Variants in DOCK5 observed in about 807,000 individuals in gnomAD.
DOCK5 encodes dedicator of cytokinesis 5.
In DOCK5, 142 loss-of-function variants were observed where a neutral mutation model predicts 251.8. The ratio of observed to expected loss-of-function variants is 0.56; its 90% CI spans 0.49 to 0.65. The LOEUF (loss-of-function observed/expected upper bound fraction) is 0.65, where lower values mean the gene tolerates loss of function less well. DOCK5 is among the 30% of genes least tolerant of loss of function. DOCK5 has a pLI of 0.00. For synonymous variants in DOCK5, 842 were observed against 835.5 expected (o/e 1.01, Z -0.13); for missense variants, 2,111 against 2,312.3 (o/e 0.91, Z 1.79).
chr8:25,186,893 A>T (rs1586210837), intron 1 of DOCK5, among the ~76,000 whole-genome samples: 1 of 151,996 alleles, frequency 6.6e-6, no homozygotes, highest in East Asian at 1.9e-4. Flanking sequence ...TTACTGTGTC[A>T]CTTATCAGTC....
chr8:25,398,645 C>T (rs1270925088), intron 45 of DOCK5, among the ~76,000 whole-genome samples: 1 of 152,178 alleles, frequency 6.6e-6, no homozygotes, highest in Admixed American at 6.5e-5. Context: ...GATGCTCCTC[C>T]ATGTCTTGTC....
intron 13 of DOCK5, among the ~76,000 whole-genome samples, chr8:25,315,791 TG>T (rs1805231620): frequency 6.6e-6 from 1 of 152,242 alleles, no homozygotes; most frequent in Non-Finnish European, 1.5e-5. Flanking sequence ...AACTGTGCTG[TG>T]TGAATAAGCC....
At chr8:25,377,467 G>T in intron 38 of DOCK5, 43 bp downstream of exon 38, 1 of 1,594,796 alleles carries the variant, frequency 6.3e-7, no homozygotes, top group South Asian at 1.1e-5. Flanking sequence ...AGAGGAAAAT[G>T]ACCGCAGTAT....
Position 25,341,005 on chromosome 8 carries a change from C to T in DOCK5, c.2439+17C>T, listed in dbSNP as rs1805942507. 1.3e-6 allele frequency: 2 copies of T among 1,587,136 alleles called. No homozygotes were observed. Among genetic ancestry groups the T allele is most frequent in the African/African-American group, 2.7e-5 (2 of 74,440 alleles). ...AAGATCAAGGTCAGCCTGGCAGCAT[C>T]ATGGGTAACTCTTCTTAGGCTGTGG... is the stretch of plus-strand genomic sequence containing the variant. On this transcript the variant is annotated intron_variant, in intron 23 of 51. Coordinates refer to ENST00000276440, the MANE Select transcript of DOCK5 (RefSeq NM_024940.8).
At chr8:25,242,306 C>T (rs1802975510) in intron 1 of DOCK5, among the ~76,000 whole-genome samples, 3 of 152,284 alleles carry the variant, frequency 2.0e-5, no homozygotes, top group Admixed American at 1.3e-4. Context: ...TATGTAGACA[C>T]ATGGCTTCAT....
intron 33 of DOCK5, among the ~76,000 whole-genome samples, 178 bp downstream of exon 33, chr8:25,368,903 A>G (rs1434193259): frequency 6.6e-6 from 1 of 152,244 alleles, no homozygotes; most frequent in Non-Finnish European, 1.5e-5. Flanking sequence ...TGCAACCCAG[A>G]GCCTGGAAAA....
intron 38 of DOCK5, among the ~76,000 whole-genome samples, chr8:25,378,961 A>AC (rs1395534471): frequency 6.6e-6 from 1 of 152,180 alleles, no homozygotes; most frequent in African/African-American, 2.4e-5. Flanking sequence ...GAGCTGCAAA[A>AC]CCAGCAACTT....
chr8:25,195,622 T>A (rs1801704160), intron 1 of DOCK5, among the ~76,000 whole-genome samples: 1 of 152,314 alleles, frequency 6.6e-6, no homozygotes, highest in Non-Finnish European at 1.5e-5. Context: ...CTCCTCCCTC[T>A]TATGGAATGT....
chr8:25,277,766 C>G (rs144636508), intron 4 of DOCK5, among the ~76,000 whole-genome samples: 2 of 152,288 alleles, frequency 1.3e-5, no homozygotes, highest in African/African-American at 4.8e-5. Flanking sequence ...AGTAATTTTT[C>G]ATAGTAAGCA....
At chr8:25,229,369 A>G (rs1802612747) in intron 1 of DOCK5, among the ~76,000 whole-genome samples, 1 of 152,020 alleles carries the variant, frequency 6.6e-6, no homozygotes, top group African/African-American at 2.4e-5. Context: ...GTAATCCCAG[A>G]TACTCTGGAG....
At chr8:25,331,799 TATAGAGAGAGAG>T (rs371588471) in intron 18 of DOCK5, among the ~76,000 whole-genome samples, 9,162 of 48,462 alleles carry the variant, frequency 0.19, 270 homozygotes, top group East Asian at 0.31. Flanking sequence ...TATATATATA[TATAGAGAGAGAG>T]AGAGAGAGAG....
intron 45 of DOCK5, among the ~76,000 whole-genome samples, chr8:25,396,803 G>A (rs906248): frequency 0.31 from 43,104 of 140,452 alleles, 6,322 homozygotes; most frequent in Non-Finnish European, 0.33. Flanking sequence ...TGTGTGTCCC[G>A]GGAAGAGCAG....
chr8:25,195,692 G>A (rs1237919420), intron 1 of DOCK5, among the ~76,000 whole-genome samples: 1 of 152,182 alleles, frequency 6.6e-6, no homozygotes, highest in Non-Finnish European at 1.5e-5. Context: ...TCCCTGCTTA[G>A]AGAGAGCCTT....
chr8:25,227,924 A>T (rs1157026025), intron 1 of DOCK5, among the ~76,000 whole-genome samples: 1 of 152,034 alleles, frequency 6.6e-6, no homozygotes, highest in Non-Finnish European at 1.5e-5. Context: ...TCTCTCTGTC[A>T]CCCAGGCTGG....
intron 5 of DOCK5, 75 bp from the exon 6 acceptor site, chr8:25,291,945 CAAAT>C (rs1804499800): frequency 7.8e-7 from 1 of 1,283,376 alleles, no homozygotes; most frequent in African/African-American, 1.5e-5. Flanking sequence ...TAAAAACAAA[CAAAT>C]AAAAAAAGGA....
chr8:25,379,280 A>G (rs1801021894), intron 38 of DOCK5, among the ~76,000 whole-genome samples: 1 of 152,036 alleles, frequency 6.6e-6, no homozygotes, highest in South Asian at 2.1e-4. Context: ...TCAACTGCAT[A>G]GGACAGACAT....
At chr8:25,284,666 T>A (rs1804286707) in intron 5 of DOCK5, among the ~76,000 whole-genome samples, 1 of 152,226 alleles carries the variant, frequency 6.6e-6, no homozygotes, top group Admixed American at 6.5e-5. Context: ...TCAGGGCAGA[T>A]CCCCGTGCTA....
At chr8:25,356,035 C>CAA (rs375002413) in intron 27 of DOCK5, among the ~76,000 whole-genome samples, 2,164 of 132,656 alleles carry the variant, frequency 0.016, 19 homozygotes, top group Middle Eastern at 0.04. Context: ...TATTAAAATA[C>CAA]AAAAAAAAAA....
chr8:25,342,703 T>G (rs1460764157), intron 25 of DOCK5, among the ~76,000 whole-genome samples, 196 bp downstream of exon 25: 2 of 120,954 alleles, frequency 1.7e-5, no homozygotes, highest in Admixed American at 7.9e-5. Context: ...TTTTTTTTTT[T>G]TTTTTTTTTT....
Sources: gnomAD v4.1 joint callset for allele counts (sites outside exome capture counted in the v4.1 genomes callset) on GRCh38, gnomAD v4.1.1 for gene constraint, MANE v1.5 for transcripts, NCBI Gene and HGNC (gene_info 2026-07-23, HGNC 2026-07-21) for gene names.